Variants in MATN2 observed in about 807,000 individuals in gnomAD.
The protein encoded by MATN2 is matrilin 2, also known as matrilin-2.
A neutral mutation model predicts 103.2 loss-of-function variants in MATN2; 69 were observed. That is an observed-to-expected ratio of 0.67 (90% CI 0.55 to 0.82). The LOEUF is 0.82. MATN2 is among the 40% of genes least tolerant of loss of function. MATN2 has a pLI of 0.00. For synonymous variants in MATN2, 429 were observed against 450.2 expected (o/e 0.95, Z 0.60); for missense variants, 1,023 against 1,211.5 (o/e 0.84, Z 2.31).
chr8:97,941,695 G>T (rs1810573634), intron 3 of MATN2, 82 bp from the exon 4 acceptor site: 4 of 1,459,918 alleles, frequency 2.7e-6, no homozygotes, highest in East Asian at 5.2e-5. Flanking sequence ...GAGAGAGTAG[G>T]CACTGAATAA....
At chr8:97,946,505 TGGG>T (rs1249805043) in intron 4 of MATN2, among the ~76,000 whole-genome samples, 1 of 152,120 alleles carries the variant, frequency 6.6e-6, no homozygotes, top group Non-Finnish European at 1.5e-5. Flanking sequence ...TTAAAAAAAA[TGGG>T]GGGAAAGAAA....
At chr8:97,886,235 T>A (rs1275206876) in intron 1 of MATN2, among the ~76,000 whole-genome samples, 1 of 152,164 alleles carries the variant, frequency 6.6e-6, no homozygotes, top group Non-Finnish European at 1.5e-5. Flanking sequence ...TCCTACATTA[T>A]GTTGAGCTGT....
intron 4 of MATN2, among the ~76,000 whole-genome samples, chr8:97,957,475 T>C (rs1196170208): frequency 6.6e-6 from 1 of 152,230 alleles, no homozygotes; most frequent in African/African-American, 2.4e-5. Context: ...CTTGGGTCGG[T>C]ACAAATCGCT....
rs139149764 is a variant in MATN2, at chr8:98,035,927, G to A, written c.*215G>A. On this transcript the variant is annotated 3_prime_UTR_variant, in exon 19 of 19. Coordinates refer to ENST00000254898, the MANE Select transcript of MATN2 (RefSeq NM_002380.5). Reference sequence around the variant, plus strand: ...AAAAAATCCTTCAGAATTCTAAGATGAATTTACCAGGTGAGAATGAATAAG... The same window carrying A: ...AAAAAATCCTTCAGAATTCTAAGATAAATTTACCAGGTGAGAATGAATAAG... The A allele has an allele frequency of 2.5e-6, 1 of 399,290 alleles. No homozygotes were observed. The highest frequency in any genetic ancestry group is 4.4e-6 in the Non-Finnish European group (1 of 224,744). The allele number at this position is 399,290 out of a possible 1,614,324, so 24.7% of individuals were successfully genotyped here. A position where few individuals can be genotyped will look rare whatever the true frequency, so the allele number is the denominator to read the frequency against.
At chr8:97,978,855 T>C (rs769500934) in intron 5 of MATN2, 31 bp from the exon 6 acceptor site, 1 of 1,613,030 alleles carries the variant, frequency 6.2e-7, no homozygotes, top group Non-Finnish European at 8.5e-7. Context: ...TGTTTGCATT[T>C]CTAATTCTGA....
intron 8 of MATN2, 108 bp downstream of exon 8, chr8:98,003,891 T>A: frequency 7.7e-7 from 1 of 1,291,274 alleles, no homozygotes; most frequent in Non-Finnish European, 1.1e-6. Flanking sequence ...GGTTTCCTGA[T>A]GGTCTGTCAG....
intron 6 of MATN2, among the ~76,000 whole-genome samples, chr8:97,979,636 A>G (rs936704163): frequency 1.3e-5 from 2 of 152,266 alleles, no homozygotes; most frequent in African/African-American, 2.4e-5. Context: ...TCTATTAAAT[A>G]TAAAGGTACA....
In MATN2 at chr8:98,027,657, G is replaced by A. The variant is rs1813858602; in HGVS notation, c.2184G>A (p.Met728Ile). The A allele has an allele frequency of 6.2e-7, 1 of 1,613,716 alleles. No individual in the cohort carries two copies. The highest frequency in any genetic ancestry group is 8.5e-7 in the Non-Finnish European group (1 of 1,179,844). Residue 728 changes from methionine to isoleucine, a missense_variant, in exon 14 of 19, where the codon ATG becomes ATA. By Grantham distance (10) the Met-to-Ile change is conservative. Coordinates refer to ENST00000254898, the MANE Select transcript of MATN2 (RefSeq NM_002380.5). ...MKKAVAHMKY[M>I]GKGSMTGLAL... ...AAGCCGTGGCCCACATGAAATACAT[G>A]GGAAAGGGCTCTATGACTGGGCTGG...
chr8:97,992,756 A>G (rs1435793200), intron 6 of MATN2, among the ~76,000 whole-genome samples: 3 of 138,980 alleles, frequency 2.2e-5, no homozygotes, highest in Non-Finnish European at 4.9e-5. Flanking sequence ...AAAAAAAAAA[A>G]AAAAAAAAAA....
intron 2 of MATN2, among the ~76,000 whole-genome samples, chr8:97,911,253 A>G (rs1809424609): frequency 6.6e-6 from 1 of 151,960 alleles, no homozygotes; most frequent in Non-Finnish European, 1.5e-5. Flanking sequence ...TCAGCCTCCA[A>G]AGTGCTGGGA....
At chr8:97,914,757 T>A (rs1343625185) in intron 2 of MATN2, among the ~76,000 whole-genome samples, 1 of 152,150 alleles carries the variant, frequency 6.6e-6, no homozygotes, top group Admixed American at 6.5e-5. Context: ...TCACCTGTGG[T>A]TACCTGGGTG....
chr8:97,998,373 T>G (rs1812666236), intron 7 of MATN2, among the ~76,000 whole-genome samples: 2 of 150,894 alleles, frequency 1.3e-5, no homozygotes, highest in African/African-American at 4.8e-5. Flanking sequence ...TATTAAAAAA[T>G]TAGCCGGGCT....
intron 4 of MATN2, among the ~76,000 whole-genome samples, chr8:97,945,177 A>T (rs1810705002): frequency 6.6e-6 from 1 of 152,150 alleles, no homozygotes; most frequent in South Asian, 2.1e-4. Flanking sequence ...CGTCCACCTC[A>T]GTGTGCAACA....
rs1455173154 is a variant in MATN2 at position 98,005,234 on chromosome 8, C to T, written c.1327+1451C>T. ...AGGACTGATCTCAGAGGCCAAAGGG[C>T]TTTTGAACTGGAAAGTGGTGCCAAA... On this transcript the variant is annotated intron_variant, in intron 8 of 18. Transcript: ENST00000254898. The surrounding 1 kb of genome is among the most constrained non-coding windows in gnomAD (Gnocchi z 4.6). Among the ~76,000 whole-genome samples, 1 of 152,218 alleles carries T rather than the reference C, an allele frequency of 6.6e-6. No individual in the cohort carries two copies. The highest frequency in any genetic ancestry group is 1.5e-5 in the Non-Finnish European group (1 of 68,040).
chr8:97,993,961 C>T (rs915749617), intron 6 of MATN2, among the ~76,000 whole-genome samples: 2 of 150,604 alleles, frequency 1.3e-5, no homozygotes, highest in African/African-American at 4.9e-5. Context: ...GTTGCATAAA[C>T]GTTTTGTAAT....
chr8:97,940,680 T>C (rs1277748692), intron 3 of MATN2, among the ~76,000 whole-genome samples: 1 of 152,250 alleles, frequency 6.6e-6, no homozygotes, highest in Non-Finnish European at 1.5e-5. Context: ...CATATAGACA[T>C]CTTTTTTGTT....
chr8:97,984,089 T>C (rs1177766537), intron 6 of MATN2, among the ~76,000 whole-genome samples: 1 of 152,226 alleles, frequency 6.6e-6, no homozygotes, highest in African/African-American at 2.4e-5. Context: ...CCTATGTGGA[T>C]AAATCAAACA....
chr8:97,914,080 TC>T (rs1213983276), intron 2 of MATN2, among the ~76,000 whole-genome samples: 1 of 152,168 alleles, frequency 6.6e-6, no homozygotes, highest in Non-Finnish European at 1.5e-5. Context: ...GAAACTCAAC[TC>T]CCAGAGACAA....
At chr8:97,909,622 T>C (rs1425794830) in intron 2 of MATN2, among the ~76,000 whole-genome samples, 1 of 152,048 alleles carries the variant, frequency 6.6e-6, no homozygotes, top group African/African-American at 2.4e-5. Context: ...AATTGTTCAG[T>C]ACAGCAGGGA....
Sources: allele counts gnomAD v4.1 joint callset (sites outside exome capture counted in the v4.1 genomes callset), GRCh38; gene constraint gnomAD v4.1.1; non-coding constraint Gnocchi (gnomAD v3.1); transcripts MANE v1.5; gene names NCBI Gene and HGNC (gene_info 2026-07-23, HGNC 2026-07-21).